Variants in GOLIM4 observed in about 807,000 individuals in gnomAD.
GOLIM4 encodes the protein 130 kDa golgi-localized phosphoprotein.
In GOLIM4, 71 loss-of-function variants were observed where a neutral mutation model predicts 107.4. That is an observed-to-expected ratio of 0.66 (90% CI 0.55 to 0.81). GOLIM4 has a LOEUF of 0.81. GOLIM4 is among the 30% of genes least tolerant of loss of function. The pLI is 0.00. For missense variants in GOLIM4, 830 were observed against 826.1 expected (o/e 1.00, Z -0.06); for synonymous variants, 327 against 294.8 (o/e 1.11, Z -1.12).
At chr3:168,090,809 A>C (rs538586399) in intron 1 of GOLIM4, among the ~76,000 whole-genome samples, 21 of 152,234 alleles carry the variant, frequency 1.4e-4, no homozygotes, top group Non-Finnish European at 2.9e-5. Context: ...AAAATGTGGT[A>C]TATATACACC....
At chr3:168,040,554 G>A (rs536096662) in intron 7 of GOLIM4, among the ~76,000 whole-genome samples, 26 of 152,304 alleles carry the variant, frequency 1.7e-4, no homozygotes, top group African/African-American at 5.8e-4. Context: ...ATGTAGGGAC[G>A]AGAGTGGAAA....
intron 14 of GOLIM4, 95 bp downstream of exon 14, chr3:168,024,431 G>A: frequency 1.1e-6 from 1 of 933,700 alleles, no homozygotes; most frequent in Non-Finnish European, 1.8e-6. Context: ...CATTTCTGTG[G>A]AAGGCATGTC....
intron 14 of GOLIM4, among the ~76,000 whole-genome samples, chr3:168,014,212 C>T (rs1457510400): frequency 6.7e-6 from 1 of 150,134 alleles, no homozygotes; most frequent in East Asian, 1.9e-4. Flanking sequence ...GGGGATATCA[C>T]CACCGATCCC....
intron 1 of GOLIM4, among the ~76,000 whole-genome samples, chr3:168,086,732 T>C (rs1431028581): frequency 1.3e-5 from 2 of 152,216 alleles, no homozygotes; most frequent in Non-Finnish European, 1.5e-5. Context: ...TGAGCCTATT[T>C]AGTAAAGCTT....
intron 13 of GOLIM4, 137 bp downstream of exon 13, chr3:168,024,791 C>T (rs1225230815): frequency 2.3e-6 from 2 of 879,670 alleles, no homozygotes; most frequent in African/African-American, 1.7e-5. Context: ...ACAGGCATAT[C>T]ATGTCATAAA....
chr3:168,041,548 T>C (rs1032686634), intron 5 of GOLIM4, 74 bp from the exon 6 acceptor site: 11 of 705,364 alleles, frequency 1.6e-5, no homozygotes, highest in East Asian at 2.5e-5. Flanking sequence ...TTTTCATATC[T>C]AAAGCCACCT....
chr3:168,088,936 G>A (rs963315177), intron 1 of GOLIM4, among the ~76,000 whole-genome samples: 7 of 152,154 alleles, frequency 4.6e-5, no homozygotes, highest in African/African-American at 9.7e-5. Flanking sequence ...CAGATAACAA[G>A]TAATTCTCTT....
At chr3:168,055,132 A>C (rs1719871761) in intron 1 of GOLIM4, among the ~76,000 whole-genome samples, 1 of 152,080 alleles carries the variant, frequency 6.6e-6, no homozygotes. Flanking sequence ...GTACCAGTAG[A>C]GTGGGGTGCT....
rs149277233 is a variant in GOLIM4, at chr3:168,029,191, T to C, written c.1513+32A>G. ...TATACAATGTTATCAAGTAATTTAT[T>C]AAAACATTCATCATCTAGGAAGTCT... is the stretch of plus-strand genomic sequence containing the variant. On this transcript the variant is annotated intron_variant, in intron 11 of 15. Transcript: ENST00000470487. 1.7e-4 allele frequency: 231 copies of C among 1,350,572 alleles called. No individual in the cohort carries two copies. In the African/African-American group the frequency reaches 3.0e-3, roughly 18 times the overall value. 83.7% of individuals were successfully genotyped at this position (1,350,572 alleles called of 1,614,324 possible).
intron 1 of GOLIM4, among the ~76,000 whole-genome samples, chr3:168,093,542 T>G (rs1722010951): frequency 6.6e-6 from 1 of 152,218 alleles, no homozygotes; most frequent in Non-Finnish European, 1.5e-5. Context: ...TCTAGTCCTG[T>G]TATACTATTA....
At chr3:168,024,446 T>C in intron 14 of GOLIM4, 80 bp downstream of exon 14, 1 of 1,038,746 alleles carries the variant, frequency 9.6e-7, no homozygotes, top group Non-Finnish European at 1.5e-6. Context: ...CATGTCAAAG[T>C]CAATACTGCT....
At chr3:168,040,748 C>A in intron 7 of GOLIM4, 38 bp downstream of exon 7, 1 of 1,345,062 alleles carries the variant, frequency 7.4e-7, no homozygotes, top group South Asian at 1.2e-5. Flanking sequence ...GTTAAGCAGA[C>A]TTGTAAAAGA....
chr3:168,058,139 T>C lies in GOLIM4; in HGVS notation c.188-9774A>G, dbSNP rs1720078190. The stretch of plus-strand genomic sequence containing the variant: ...TAACTATTTTTTTACTGCCTGGCAA[T>C]TGCAGTATTTTTTTACTGTACAATA... On this transcript the variant is annotated intron_variant, in intron 1 of 15. Transcript: ENST00000470487. 2.0e-5 allele frequency among the ~76,000 whole-genome samples: 3 copies of C among 152,194 alleles called. No homozygotes were observed. In the South Asian group the frequency reaches 6.2e-4, roughly 31 times the overall value.
intron 10 of GOLIM4, among the ~76,000 whole-genome samples, 164 bp from the exon 11 acceptor site, chr3:168,029,466 T>C (rs184342270): frequency 1.3e-5 from 2 of 152,164 alleles, no homozygotes; most frequent in East Asian, 1.9e-4. Flanking sequence ...TTAGGTATAA[T>C]AAAAATTCCA....
chr3:168,071,756 T>C (rs55854640), intron 1 of GOLIM4, among the ~76,000 whole-genome samples: 7,670 of 151,804 alleles, frequency 0.051, 208 homozygotes, highest in Non-Finnish European at 0.068. Flanking sequence ...AGTGGAAAAA[T>C]GTAGGTAATT....
At chr3:168,025,794 C>A (rs1359151472) in intron 12 of GOLIM4, among the ~76,000 whole-genome samples, 1 of 152,206 alleles carries the variant, frequency 6.6e-6, no homozygotes, top group Non-Finnish European at 1.5e-5. Flanking sequence ...CCCAACTCAT[C>A]TCCCAAATTA....
chr3:168,025,645 T>C lies in GOLIM4; in HGVS notation c.1624-550A>G, dbSNP rs978259780. ...AGGCTAATTCAAAAGGAAATGGTCA[T>C]TTTCTAGTATGGATCCAATTTCTTT... On this transcript the variant is annotated intron_variant, in intron 12 of 15. Coordinates refer to ENST00000470487, the MANE Select transcript of GOLIM4 (RefSeq NM_014498.5). Among the ~76,000 whole-genome samples the C allele has an allele frequency of 3.3e-5, 5 of 152,162 alleles. No individual in the cohort carries two copies. In the South Asian group the frequency reaches 8.3e-4, roughly 25 times the overall value.
At chr3:168,067,860 A>C (rs1720630955) in intron 1 of GOLIM4, among the ~76,000 whole-genome samples, 1 of 152,076 alleles carries the variant, frequency 6.6e-6, no homozygotes, top group Non-Finnish European at 1.5e-5. Context: ...AAAGAACAAC[A>C]ACCCTGTATT....
chr3:168,044,258 C>T (rs6780224), intron 4 of GOLIM4, among the ~76,000 whole-genome samples: 53,565 of 151,986 alleles, frequency 0.35, 11,901 homozygotes, highest in African/African-American at 0.63. Context: ...GTGGAGATGC[C>T]GGCATGATCT....
Sources: gnomAD v4.1 joint callset for allele counts (sites outside exome capture counted in the v4.1 genomes callset) on GRCh38, gnomAD v4.1.1 for gene constraint, MANE v1.5 for transcripts, NCBI Gene and HGNC (gene_info 2026-07-23, HGNC 2026-07-21) for gene names.